The following PAFAH2 variants were observed in gnomAD, a reference collection of about 807,000 sequenced individuals.
PAFAH2 encodes the protein platelet activating factor acetylhydrolase 2.
PAFAH2 carries 42 observed loss-of-function variants against 49.0 expected under a neutral mutation model. The ratio of observed to expected loss-of-function variants is 0.86; its 90% CI spans 0.67 to 1.11. The LOEUF (loss-of-function observed/expected upper bound fraction) is 1.11. PAFAH2 is among the 50% of genes least tolerant of loss of function. The pLI, the probability that PAFAH2 is intolerant of heterozygous loss-of-function variation, is 0.00. For missense variants in PAFAH2, 503 were observed against 501.8 expected, an observed-to-expected ratio of 1.00 and a Z score of -0.02; for synonymous variants, 184 against 181.3, an observed-to-expected ratio of 1.01 and a Z score of -0.12.
chr1:25,980,614 TATATA>T, intron 7 of PAFAH2, among the ~76,000 whole-genome samples: 1 of 146,384 alleles, frequency 6.8e-6, no homozygotes, highest in East Asian at 2.0e-4. Context: ...GCCATATTTA[TATATA>T]TATATATATA....
In PAFAH2 at chr1:25,989,502, C is replaced by T. The variant is rs148490669; in HGVS notation, c.190G>A (p.Glu64Lys). 32 of 1,611,624 alleles carry T rather than the reference C, an allele frequency of 2.0e-5. No individual in the cohort carries two copies. Among genetic ancestry groups the T allele is most frequent in the Middle Eastern group, 1.6e-4 (1 of 6,072 alleles). Reference sequence around the variant, plus strand: ...CAGCGCTTATTAAACTGCAGGTACTCGGCCAGGCCAGTGCAGTACTCATAG... The same window carrying T: ...CAGCGCTTATTAAACTGCAGGTACTTGGCCAGGCCAGTGCAGTACTCATAG... The part of the protein sequence containing the change: ...PRYEYCTGLA[E>K]YLQFNKRCGG... Residue 64 changes from glutamate to lysine, a missense_variant, in exon 3 of 11, where the codon GAG becomes AAG. Transcript: ENST00000374282.
chr1:25,965,093 C>G (rs1269690838), intron 10 of PAFAH2, among the ~76,000 whole-genome samples: 2 of 151,986 alleles, frequency 1.3e-5, no homozygotes, highest in Non-Finnish European at 2.9e-5. Flanking sequence ...AATAGAGAAC[C>G]CAGAAATAAA....
At chr1:25,994,280 C>G (rs1480411626) in intron 1 of PAFAH2, among the ~76,000 whole-genome samples, 1 of 151,854 alleles carries the variant, frequency 6.6e-6, no homozygotes, top group Non-Finnish European at 1.5e-5. Context: ...TAGGCACTTG[C>G]CATCACACCC....
At chr1:25,992,512 T>C (rs1477180844) in intron 1 of PAFAH2, among the ~76,000 whole-genome samples, 2 of 152,170 alleles carry the variant, frequency 1.3e-5, no homozygotes, top group Non-Finnish European at 2.9e-5. Context: ...AACACCACCA[T>C]CATCATCATA....
intron 10 of PAFAH2, among the ~76,000 whole-genome samples, 175 bp downstream of exon 10, chr1:25,972,383 C>T (rs1364326615): frequency 6.6e-6 from 1 of 152,088 alleles, no homozygotes; most frequent in East Asian, 1.9e-4. Context: ...CAGGCGTGAG[C>T]CACTGCACCT....
At chr1:25,983,856 A>G in intron 6 of PAFAH2, 90 bp downstream of exon 6, 1 of 1,407,276 alleles carries the variant, frequency 7.1e-7, no homozygotes, top group Non-Finnish European at 9.9e-7. Context: ...CTGACATTTC[A>G]AGAGAGGGTT....
At chr1:25,969,131 A>G (rs1443192348) in intron 10 of PAFAH2, among the ~76,000 whole-genome samples, 3 of 152,080 alleles carry the variant, frequency 2.0e-5, no homozygotes, top group African/African-American at 7.2e-5. Flanking sequence ...CCACTTCTCT[A>G]TCTTTGCCTT....
At position 25,972,609 on chromosome 1, in the gene PAFAH2, C is replaced by G; in HGVS notation, c.1033G>C (p.Gly345Arg). The G allele has an allele frequency of 2.5e-6, 4 of 1,613,968 alleles. No homozygotes were observed. The South Asian group carries it at 4.4e-5, about 18-fold the overall frequency. Residue 345 changes from glycine to arginine, a missense_variant, in exon 10 of 11, where the codon GGG becomes CGG. By Grantham distance (125) the Gly-to-Arg change is moderately radical (BLOSUM62 -2). Transcript: ENST00000374282. ...ETRGSLDPYE[G>R]QEVMVRAMLA... ...ATGGCCCGTACCATAACCTCCTGCC[C>G]TTCATAGGGGTCCAGGCTCCCACGG...
chr1:25,984,784 T>G (rs1180308393), intron 4 of PAFAH2, among the ~76,000 whole-genome samples: 1 of 152,156 alleles, frequency 6.6e-6, no homozygotes, highest in Non-Finnish European at 1.5e-5. Flanking sequence ...TAAGTTCCTT[T>G]TCACCTTCTC....
intron 7 of PAFAH2, among the ~76,000 whole-genome samples, chr1:25,981,797 G>T (rs1450379324): frequency 6.6e-6 from 1 of 152,128 alleles, no homozygotes; most frequent in Admixed American, 6.5e-5. Flanking sequence ...GAGGCGGGCG[G>T]ATCACTTGAG....
chr1:25,974,386 G>A (rs1471321944), intron 9 of PAFAH2, 94 bp downstream of exon 9: 1 of 1,021,762 alleles, frequency 9.8e-7, no homozygotes, highest in Non-Finnish European at 1.4e-6. Context: ...TCCTACTAAT[G>A]GGTAGAAAGT....
In PAFAH2 at chr1:25,961,784, T is replaced by G; in HGVS notation, c.*205A>C. 2.1e-6 allele frequency: 1 copy of G among 482,186 alleles called. No individual in the cohort carries two copies. The highest frequency in any genetic ancestry group is 3.3e-5 in the South Asian group (1 of 29,884). The allele number at this position is 482,186 out of a possible 1,614,324, so 29.9% of individuals were successfully genotyped here. Reference sequence around the variant, plus strand: ...AGGTCCCAGAAAGTCTGTTTGTCAATCAGCAAGGGATCCCAGTCCCAAAGT... The same window carrying G: ...AGGTCCCAGAAAGTCTGTTTGTCAAGCAGCAAGGGATCCCAGTCCCAAAGT... On this transcript the variant is annotated 3_prime_UTR_variant, in exon 11 of 11. Transcript: ENST00000374282.
rs369760279 is a variant in PAFAH2 at position 25,974,532 on chromosome 1, A to T, written c.877T>A (p.Leu293Met). ...TGCTGGGCACATATCTTCTTCATCA[A>T]ATTGACACTCTCCATTGTCTGGAAT... ...EKFQTMESVNLMKKICAQHEQ... is the reference protein window; with the variant it reads ...EKFQTMESVNMMKKICAQHEQ... The change falls in exon 9 of 11, where the codon TTG (leucine) becomes ATG (methionine). Residue 293 changes from leucine to methionine, a missense_variant. Leu to Met is a conservative substitution (Grantham distance 15). Transcript: ENST00000374282. 5.6e-6 allele frequency: 9 copies of T among 1,613,980 alleles called. No individual in the cohort carries two copies. Among genetic ancestry groups the T allele is most frequent in the Non-Finnish European group, 5.9e-6 (7 of 1,180,000 alleles).
intron 1 of PAFAH2, among the ~76,000 whole-genome samples, chr1:25,994,059 G>T (rs2049907722): frequency 6.6e-6 from 1 of 151,900 alleles, no homozygotes; most frequent in Non-Finnish European, 1.5e-5. Context: ...TAAAAAGTTG[G>T]AATCTACTCT....
At chr1:25,997,823 C>A (rs1323434942) in intron 1 of PAFAH2, among the ~76,000 whole-genome samples, 5 of 151,990 alleles carry the variant, frequency 3.3e-5, no homozygotes, top group African/African-American at 1.2e-4. Context: ...ATTCCAGGGG[C>A]ACTGGCCGTT....
chr1:25,982,083 C>T (rs998101465), intron 7 of PAFAH2, among the ~76,000 whole-genome samples: 3 of 151,020 alleles, frequency 2.0e-5, no homozygotes, highest in Non-Finnish European at 2.9e-5. Flanking sequence ...GAACTGCTAG[C>T]GACCACCTTT....
intron 1 of PAFAH2, among the ~76,000 whole-genome samples, chr1:25,997,022 A>G (rs139985318): frequency 6.6e-6 from 1 of 152,286 alleles, no homozygotes; most frequent in East Asian, 1.9e-4. Context: ...CCCAGAGGGA[A>G]TGGATGGGGC....
In PAFAH2 at chr1:25,990,791, AAGCCCAC is replaced by A; in HGVS notation, c.19_25del (p.Val7PhefsTer10). The A allele has an allele frequency of 6.2e-7, 1 of 1,614,056 alleles. No individual in the cohort carries two copies. The highest frequency in any genetic ancestry group is 1.1e-5 in the South Asian group (1 of 91,056). ...GAGGTGGGGTCCTGTGACAGGTGGA[AAGCCCAC>A]AGACTGGTTGACCCCCATTTCATCA... On this transcript the variant is annotated frameshift_variant, in exon 2 of 11. Coordinates refer to ENST00000374282, the MANE Select transcript of PAFAH2 (RefSeq NM_000437.4). LOFTEE classifies it high-confidence loss of function.
At chr1:25,976,836 A>G in intron 7 of PAFAH2, 63 bp from the exon 8 acceptor site, 1 of 1,325,548 alleles carries the variant, frequency 7.5e-7, no homozygotes, top group Non-Finnish European at 1.1e-6. Context: ...GGAATTCATC[A>G]GGAGCAAGAG....
Sources: gnomAD v4.1 joint callset for allele counts (sites outside exome capture counted in the v4.1 genomes callset) on GRCh38, gnomAD v4.1.1 for gene constraint, MANE v1.5 for transcripts, NCBI Gene and HGNC (gene_info 2026-07-23, HGNC 2026-07-21) for gene names.